PDE12: variants seen among roughly 807,000 people sequenced by gnomAD.
PDE12 encodes the protein phosphodiesterase 12.
Under a neutral mutation model 45.4 loss-of-function variants are expected in PDE12, and 26 were observed. The ratio of observed to expected loss-of-function variants is 0.57; its 90% CI spans 0.42 to 0.79. The LOEUF (loss-of-function observed/expected upper bound fraction) is 0.79. Among genes scored for constraint, PDE12 ranks in the 30% least tolerant of loss-of-function variants. The probability of loss-of-function intolerance (pLI) is 0.00; values close to 1 mark genes in which losing one functional copy is unlikely to be tolerated. For missense variants in PDE12, 668 were observed against 790.0 expected (o/e 0.85, Z 1.85); for synonymous variants, 283 against 323.9 (o/e 0.87, Z 1.36).
At chr3:57,595,611 A>T in the PDE12 span, among the ~76,000 whole-genome samples, 3 of 152,222 alleles carry the variant, frequency 2.0e-5, no homozygotes, top group Non-Finnish European at 2.9e-5. Flanking sequence ...TTGAAATATT[A>T]CAGAAGCTTG....
At chr3:57,623,313 G>C in the PDE12 span, among the ~76,000 whole-genome samples, 4 of 152,034 alleles carry the variant, frequency 2.6e-5, no homozygotes, top group African/African-American at 9.7e-5. Context: ...CAGAGCCTTT[G>C]ATTATAAAAA....
chr3:57,615,496 G>C, the PDE12 span, among the ~76,000 whole-genome samples: 1 of 151,020 alleles, frequency 6.6e-6, no homozygotes, highest in East Asian at 1.9e-4. Context: ...GTAAACAAAA[G>C]AAAGACTAAA....
the PDE12 span, among the ~76,000 whole-genome samples, chr3:57,582,873 T>C: frequency 4.6e-5 from 7 of 152,236 alleles, no homozygotes. Context: ...GGGTAAGTCA[T>C]TCCAAGTTTC....
chr3:57,557,679 GTTC>G lies in PDE12; in HGVS notation c.1304_1306del (p.Leu435del), dbSNP rs1478928662. On this transcript the variant is annotated inframe_deletion, in exon 1 of 3. Transcript: ENST00000311180. ...GGAGAAGGTGCTCCAGAGATCTTCT[GTTC>G]TTCAGGTAAAGTAGTTCCGCCCGTC... 1 of 1,613,126 alleles carries G rather than the reference GTTC, an allele frequency of 6.2e-7. No individual in the cohort carries two copies. Among genetic ancestry groups the G allele is most frequent in the Non-Finnish European group, 8.5e-7 (1 of 1,179,536 alleles).
chr3:57,648,256 C>G, the PDE12 span, among the ~76,000 whole-genome samples: 1 of 152,070 alleles, frequency 6.6e-6, no homozygotes, highest in Non-Finnish European at 1.5e-5. Flanking sequence ...TTTACAATAG[C>G]TGCAATACAT....
chr3:57,592,231 G>A, the PDE12 span, among the ~76,000 whole-genome samples: 1 of 152,170 alleles, frequency 6.6e-6, no homozygotes, highest in Non-Finnish European at 1.5e-5. Context: ...ACTCATGCCT[G>A]TAATCGCAGC....
the PDE12 span, among the ~76,000 whole-genome samples, chr3:57,647,516 C>T: frequency 6.6e-6 from 1 of 152,058 alleles, no homozygotes; most frequent in Admixed American, 6.6e-5. Flanking sequence ...ATGTGGTGAG[C>T]AATGTATACA....
the PDE12 span, chr3:57,577,418 C>A: frequency 6.4e-7 from 1 of 1,561,198 alleles, no homozygotes; most frequent in Non-Finnish European, 8.8e-7. Flanking sequence ...TAAATTTTAA[C>A]AGTTAAACGA....
chr3:57,598,154 T>A, the PDE12 span: 4 of 152,138 alleles, frequency 2.6e-5, no homozygotes, highest in African/African-American at 9.7e-5. Context: ...ACTTTAAAAG[T>A]GTTTATGATC....
the PDE12 span, chr3:57,625,923 A>G: frequency 1.0e-3 from 155 of 152,736 alleles, no homozygotes; most frequent in African/African-American, 3.6e-3. Context: ...GATCCTTGAT[A>G]TGACACCAAC....
chr3:57,609,776 G>T, the PDE12 span, among the ~76,000 whole-genome samples: 3 of 152,076 alleles, frequency 2.0e-5, no homozygotes, highest in African/African-American at 4.8e-5. Context: ...CAGGACCAGA[G>T]AGATTCACAG....
chr3:57,560,276 T>C lies in PDE12; in HGVS notation c.*272T>C, dbSNP rs1471542566. 8.4e-7 allele frequency: 1 copy of C among 1,193,474 alleles called. No individual in the cohort carries two copies. The highest frequency in any genetic ancestry group is 3.4e-4 in the Middle Eastern group (1 of 2,902). The allele number at this position is 1,193,474 out of a possible 1,614,324, so 73.9% of individuals were successfully genotyped here. A position where few individuals can be genotyped will look rare whatever the true frequency, so the allele number is the denominator to read the frequency against. ...ATTATTTTTCTCCAAATTGAGACTC[T>C]CAGAAAAGGAAGATTGAATTAGCGT... On this transcript the variant is annotated 3_prime_UTR_variant, in exon 3 of 3. Transcript: ENST00000311180.
the PDE12 span, among the ~76,000 whole-genome samples, chr3:57,647,260 T>A: frequency 6.6e-6 from 1 of 152,110 alleles, no homozygotes; most frequent in Non-Finnish European, 1.5e-5. Flanking sequence ...TAATTTTAAC[T>A]ATTCAAAAAC....
At chr3:57,652,417 C>T in the PDE12 span, among the ~76,000 whole-genome samples, 1 of 152,112 alleles carries the variant, frequency 6.6e-6, no homozygotes, top group Non-Finnish European at 1.5e-5. Context: ...CTCCAGACTC[C>T]TATGTCCAAC....
the PDE12 span, among the ~76,000 whole-genome samples, chr3:57,592,358 G>A: frequency 1.3e-5 from 2 of 152,006 alleles, no homozygotes; most frequent in Non-Finnish European, 2.9e-5. Flanking sequence ...ATGGTGGGAG[G>A]GGGCCTGTAA....
the PDE12 span, among the ~76,000 whole-genome samples, chr3:57,585,851 G>A: frequency 2.0e-5 from 3 of 151,816 alleles, no homozygotes; most frequent in South Asian, 2.1e-4. Flanking sequence ...TAGTAGAGAC[G>A]GGGTTTCACC....
At chr3:57,576,997 A>C in the PDE12 span, among the ~76,000 whole-genome samples, 1 of 151,818 alleles carries the variant, frequency 6.6e-6, no homozygotes, top group African/African-American at 2.4e-5. Flanking sequence ...TAAGGGACTG[A>C]GCTAAATCAG....
At chr3:57,567,285 C>T (rs148381881), downstream of PDE12, among the ~76,000 whole-genome samples, 3,637 of 151,262 alleles carry the variant, frequency 0.024, 68 homozygotes, top group Non-Finnish European at 0.035. Context: ...GCACTCTAGC[C>T]TGGGTGACAG....
At chr3:57,573,667 G>A in the PDE12 span, among the ~76,000 whole-genome samples, 3 of 151,888 alleles carry the variant, frequency 2.0e-5, no homozygotes, top group East Asian at 1.9e-4. Context: ...TACAACCTCC[G>A]CCTCACAGGC....
Sources: gnomAD v4.1 joint callset for allele counts (sites outside exome capture counted in the v4.1 genomes callset) on GRCh38, gnomAD v4.1.1 for gene constraint, MANE v1.5 for transcripts, NCBI Gene and HGNC (gene_info 2026-07-23, HGNC 2026-07-21) for gene names.